The following AGGF1 variants were observed in gnomAD, a reference collection of about 807,000 sequenced individuals.
AGGF1 encodes angiogenic factor with G patch and FHA domains 1.
AGGF1 carries 56 observed loss-of-function variants against 86.5 expected under a neutral mutation model. The observed-to-expected ratio is 0.65, with a 90% confidence interval of 0.52 to 0.81. The LOEUF (loss-of-function observed/expected upper bound fraction) is 0.81, where lower values mean the gene tolerates loss of function less well. Among genes scored for constraint, AGGF1 ranks in the 30% least tolerant of loss-of-function variants. The pLI is 0.00. For synonymous variants in AGGF1, 313 were observed against 297.1 expected (o/e 1.05, Z -0.55); for missense variants, 816 against 850.9 (o/e 0.96, Z 0.51).
rs1485878533 is a variant in AGGF1, at chr5:77,039,790, A to C, written c.870+71A>C. 12 of 1,352,836 alleles carry C rather than the reference A, an allele frequency of 8.9e-6. No individual in the cohort carries two copies. In the East Asian group the frequency reaches 2.8e-4, roughly 31 times the overall value. 83.8% of individuals were successfully genotyped at this position (1,352,836 alleles called of 1,614,324 possible). ...GATAATTAAGACAAAATTTTTTATG[A>C]AACTGACAATCATTCAATAACTCTG... On this transcript the variant is annotated intron_variant, in intron 5 of 13. Coordinates refer to ENST00000312916, the MANE Select transcript of AGGF1 (RefSeq NM_018046.5).
At chr5:77,054,215 C>T in intron 10 of AGGF1, 85 bp downstream of exon 10, 1 of 1,494,368 alleles carries the variant, frequency 6.7e-7, no homozygotes, top group South Asian at 1.1e-5. Context: ...CAGCTACTGG[C>T]TACATGTCTA....
chr5:77,056,619 T>G (rs562412618), intron 11 of AGGF1, among the ~76,000 whole-genome samples: 12 of 151,672 alleles, frequency 7.9e-5, no homozygotes, highest in African/African-American at 2.9e-4. Context: ...GATCCATACC[T>G]TGAACCATCT....
intron 4 of AGGF1, among the ~76,000 whole-genome samples, chr5:77,037,766 A>G (rs1746992095): frequency 6.6e-6 from 1 of 152,186 alleles, no homozygotes; most frequent in African/African-American, 2.4e-5. Flanking sequence ...ACAGAGTGAG[A>G]CCCTGTCTCA....
At chr5:77,037,871 C>T (rs1746993372) in intron 4 of AGGF1, among the ~76,000 whole-genome samples, 1 of 152,146 alleles carries the variant, frequency 6.6e-6, no homozygotes, top group Non-Finnish European at 1.5e-5. Context: ...AGGATAGAAC[C>T]AGAAAATAAA....
chr5:77,042,494 A>ACC (rs369692581), intron 5 of AGGF1, among the ~76,000 whole-genome samples: 1 of 31,934 alleles, frequency 3.1e-5, no homozygotes, highest in African/African-American at 9.3e-5. Context: ...CGGGGGGCTG[A>ACC]CCCCCCCCAC....
At chr5:77,044,865 C>A (rs979707605) in intron 5 of AGGF1, among the ~76,000 whole-genome samples, 7 of 152,032 alleles carry the variant, frequency 4.6e-5, no homozygotes, top group Non-Finnish European at 1.0e-4. Flanking sequence ...GAGATCGAGA[C>A]CAGTCTGGCC....
rs1042051993 is a variant in AGGF1 at position 77,041,982 on chromosome 5, T to C, written c.870+2263T>C. ...CGGCCTTCCGCAGTGTTTGTGTCCC[T>C]GGGTACTTGAGATTAGGGAGTGGTG... On this transcript the variant is annotated intron_variant, in intron 5 of 13. Coordinates refer to ENST00000312916, the MANE Select transcript of AGGF1 (RefSeq NM_018046.5). Among the ~76,000 whole-genome samples, 61 of 149,770 alleles carry C rather than the reference T, an allele frequency of 4.1e-4. 1 individual carries two copies. In the South Asian group the frequency reaches 8.9e-3, roughly 22 times the overall value.
chr5:77,042,562 G>T (rs1747122674), intron 5 of AGGF1, among the ~76,000 whole-genome samples: 1 of 75,358 alleles, frequency 1.3e-5, no homozygotes, highest in African/African-American at 4.0e-5. Flanking sequence ...CCCGGACGGG[G>T]CGGCTGGCCG....
chr5:77,057,563 A>T (rs1028025899), intron 11 of AGGF1, among the ~76,000 whole-genome samples: 7 of 152,218 alleles, frequency 4.6e-5, no homozygotes, highest in Non-Finnish European at 8.8e-5. Context: ...GAGGTCTGTG[A>T]GACGGAACAC....
At chr5:77,034,925 A>C (rs1432197612) in intron 2 of AGGF1, among the ~76,000 whole-genome samples, 1 of 152,208 alleles carries the variant, frequency 6.6e-6, no homozygotes, top group African/African-American at 2.4e-5. Context: ...TGGCCTTATG[A>C]ATGGCATTAT....
intron 5 of AGGF1, among the ~76,000 whole-genome samples, chr5:77,045,735 A>G (rs902619790): frequency 3.3e-5 from 5 of 152,234 alleles, no homozygotes; most frequent in African/African-American, 1.2e-4. Context: ...CAGTTTAAAA[A>G]GAAAATTTAG....
intron 1 of AGGF1, among the ~76,000 whole-genome samples, chr5:77,031,483 C>T (rs1355234971): frequency 3.3e-5 from 5 of 152,220 alleles, no homozygotes; most frequent in African/African-American, 9.7e-5. Flanking sequence ...CGTTTATCAT[C>T]TTCGGCTTTC....
intron 5 of AGGF1, among the ~76,000 whole-genome samples, chr5:77,041,782 T>G (rs1214754498): frequency 9.1e-6 from 1 of 109,836 alleles, no homozygotes; most frequent in Non-Finnish European, 1.9e-5. Flanking sequence ...AGACAAGAAC[T>G]TTTTTTATTT....
At chr5:77,039,508 TA>T (rs1431696959) in intron 4 of AGGF1, 22 bp from the exon 5 acceptor site, 1 of 1,568,652 alleles carries the variant, frequency 6.4e-7, no homozygotes, top group African/African-American at 1.4e-5. Context: ...GAATAGAATT[TA>T]TTTTTTTCTT....
Position 77,061,741 on chromosome 5 carries a change from A to G in AGGF1, c.1883A>G (p.Glu628Gly). 1 of 1,612,858 alleles carries G rather than the reference A, an allele frequency of 6.2e-7. No homozygotes were observed. Among genetic ancestry groups the G allele is most frequent in the Non-Finnish European group, 8.5e-7 (1 of 1,179,232 alleles). Reference protein sequence around the residue: ...TDSNKGRKMLEKMGWKKGEGL... With the variant: ...TDSNKGRKMLGKMGWKKGEGL... Reference sequence around the variant, plus strand: ...AGCAACAAAGGTCGGAAGATGTTGGAGAAGATGGGTTGGAAGAAAGGAGAG... The same window carrying G: ...AGCAACAAAGGTCGGAAGATGTTGGGGAAGATGGGTTGGAAGAAAGGAGAG... The change falls in exon 13 of 14, where the codon GAG (glutamate) becomes GGG (glycine). Residue 628 changes from glutamate to glycine, a missense_variant. By Grantham distance (98) the Glu-to-Gly change is moderately conservative (BLOSUM62 -2). Around this residue, in one of 3 missense-constraint regions of AGGF1, gnomAD observed 565 missense variants for 585.8 expected, o/e 0.96. Transcript: ENST00000312916.
intron 8 of AGGF1, among the ~76,000 whole-genome samples, chr5:77,050,356 G>A (rs1167323438): frequency 3.0e-5 from 3 of 100,940 alleles, no homozygotes; most frequent in African/African-American, 1.2e-4. Flanking sequence ...GGTCTTAACT[G>A]TGTTGCCCAG....
intron 1 of AGGF1, among the ~76,000 whole-genome samples, chr5:77,033,657 C>T (rs1746911749): frequency 6.6e-6 from 1 of 152,174 alleles, no homozygotes; most frequent in African/African-American, 2.4e-5. Flanking sequence ...TATCACCTTT[C>T]TCTGTTTAAG....
chr5:77,042,548 A>C (rs1377152784), intron 5 of AGGF1, among the ~76,000 whole-genome samples: 5 of 47,066 alleles, frequency 1.1e-4, no homozygotes, highest in African/African-American at 2.6e-4. Flanking sequence ...GGCGCCCCTC[A>C]CCTCCCGGAC....
At position 77,046,382 on chromosome 5, in the gene AGGF1, T is replaced by C; in HGVS notation, c.906T>C (p.Val302=). 6 of 1,613,830 alleles carry C rather than the reference T, an allele frequency of 3.7e-6. No homozygotes were observed. Among genetic ancestry groups the C allele is most frequent in the Non-Finnish European group, 5.1e-6 (6 of 1,179,972 alleles). Residue 302 remains valine (V), a synonymous_variant, in exon 6 of 14, where the codon GTT becomes GTC. Coordinates refer to ENST00000312916, the MANE Select transcript of AGGF1 (RefSeq NM_018046.5). The part of the protein sequence containing the change: ...LNSEDQKAFS[V]EHTSCNEEEN... ...CAGAGGATCAAAAAGCCTTCAGTGT[T>C]GAACATACAAGCTGCAATGAGGAAG...
Sources: gnomAD v4.1 joint callset for allele counts (sites outside exome capture counted in the v4.1 genomes callset) on GRCh38, gnomAD v4.1.1 for gene constraint, gnomAD v4.1.1 regional missense constraint, MANE v1.5 for transcripts, NCBI Gene and HGNC (gene_info 2026-07-23, HGNC 2026-07-21) for gene names.